Variants in RANBP9 observed in about 807,000 individuals in gnomAD.
RANBP9 encodes ran-binding protein 9.
RANBP9 carries 15 observed loss-of-function variants against 84.3 expected under a neutral mutation model. That is an observed-to-expected ratio of 0.18 (90% confidence interval 0.12 to 0.27). The LOEUF (loss-of-function observed/expected upper bound fraction) is 0.27. RANBP9 is among the 10% of genes least tolerant of loss of function. RANBP9 has a pLI of 1.00. For synonymous variants in RANBP9, 392 were observed against 349.6 expected, an observed-to-expected ratio of 1.12 and a Z score of -1.35; for missense variants, 809 against 912.8, an observed-to-expected ratio of 0.89 and a Z score of 1.46.
intron 2 of RANBP9, among the ~76,000 whole-genome samples, chr6:13,659,705 C>T (rs1025558324): frequency 2.0e-5 from 3 of 152,024 alleles, no homozygotes; most frequent in Non-Finnish European, 2.9e-5. Context: ...TGATAAAATT[C>T]GGCCACCATT....
chr6:13,673,723 T>G (rs1229022926), intron 2 of RANBP9, among the ~76,000 whole-genome samples: 1 of 152,018 alleles, frequency 6.6e-6, no homozygotes, highest in Non-Finnish European at 1.5e-5. Context: ...TACCAAAAAA[T>G]CTTTTTTAAA....
intron 1 of RANBP9, among the ~76,000 whole-genome samples, chr6:13,705,805 G>T (rs996974961): frequency 2.0e-5 from 3 of 149,350 alleles, no homozygotes; most frequent in Non-Finnish European, 4.4e-5. Flanking sequence ...GGAGCTTGCA[G>T]TGAGCGGAGA....
Position 13,641,204 on chromosome 6 carries a change from T to C in RANBP9, c.1329A>G (p.Thr443=). 2.0e-6 allele frequency: 3 copies of C among 1,529,542 alleles called. No homozygotes were observed. Among genetic ancestry groups the C allele is most frequent in the Non-Finnish European group, 2.7e-6 (3 of 1,119,756 alleles). The allele number at this position is 1,529,542 out of a possible 1,614,324, so 94.7% of individuals were successfully genotyped here. The stretch of plus-strand genomic sequence containing the variant: ...ATTTTATTATGCAAACTCACTTTAA[T>C]GTGAAAAGGAGATTAGGATTTCTTT... ...LLERNPNLLF[T]LKVRQFIEMV... is the part of the protein sequence containing the mutation. Residue 443 remains threonine (T), a synonymous_variant, in exon 8 of 14, where the codon ACA becomes ACG. Transcript: ENST00000011619.
chr6:13,652,788 A>G, intron 4 of RANBP9, 107 bp from the exon 5 acceptor site: 5 of 930,688 alleles, frequency 5.4e-6, no homozygotes, highest in South Asian at 1.6e-5. Context: ...AAAGAAAAAA[A>G]CATTAAAGCC....
At chr6:13,636,784 T>C (rs1449528987) in intron 10 of RANBP9, among the ~76,000 whole-genome samples, 1 of 152,222 alleles carries the variant, frequency 6.6e-6, no homozygotes, top group Non-Finnish European at 1.5e-5. Context: ...TCACACACAC[T>C]ATTACTTCAG....
intron 2 of RANBP9, among the ~76,000 whole-genome samples, chr6:13,690,345 T>C (rs1766295416): frequency 6.6e-6 from 1 of 152,240 alleles, no homozygotes; most frequent in Non-Finnish European, 1.5e-5. Context: ...TTGTTTACTC[T>C]TTGTTCACAT....
At chr6:13,684,253 C>A (rs1453828733) in intron 2 of RANBP9, among the ~76,000 whole-genome samples, 1 of 152,178 alleles carries the variant, frequency 6.6e-6, no homozygotes, top group African/African-American at 2.4e-5. Context: ...CTTCTCTTGT[C>A]TTTCATTGTT....
Position 13,711,509 on chromosome 6 carries a change from G to T in RANBP9, c.-4C>A. 2 of 1,248,634 alleles carry T rather than the reference G, an allele frequency of 1.6e-6. No homozygotes were observed. The highest frequency in any genetic ancestry group is 1.0e-6 in the Non-Finnish European group (1 of 994,020). 77.3% of individuals were successfully genotyped at this position (1,248,634 alleles called of 1,614,324 possible). A position where few individuals can be genotyped will look rare whatever the true frequency, so the allele number is the denominator to read the frequency against. ...GCGGCGGCGGCTGCCCGGACATCCCGGCCGCGACTCAGCCTGCGGCCACCT... is the reference window on the plus strand; with the variant it reads ...GCGGCGGCGGCTGCCCGGACATCCCTGCCGCGACTCAGCCTGCGGCCACCT... On this transcript the variant is annotated 5_prime_UTR_variant, in exon 1 of 14. Transcript: ENST00000011619.
At chr6:13,644,457 T>C (rs917876330) in intron 6 of RANBP9, 88 bp downstream of exon 6, 10 of 1,356,040 alleles carry the variant, frequency 7.4e-6, no homozygotes, top group Non-Finnish European at 1.0e-5. Flanking sequence ...AATTAGTGGA[T>C]TAAAAAGCTT....
chr6:13,698,050 A>G (rs1757883629), intron 1 of RANBP9, among the ~76,000 whole-genome samples: 1 of 152,176 alleles, frequency 6.6e-6, no homozygotes, highest in Admixed American at 6.6e-5. Context: ...CCCTTACCAC[A>G]CACTTGACCA....
At chr6:13,623,298 T>C (rs1318990259) in intron 13 of RANBP9, among the ~76,000 whole-genome samples, 1 of 152,200 alleles carries the variant, frequency 6.6e-6, no homozygotes, top group Non-Finnish European at 1.5e-5. Flanking sequence ...ATCAGTTCTT[T>C]ATAGGCACAG....
intron 6 of RANBP9, among the ~76,000 whole-genome samples, chr6:13,643,701 A>T (rs902456579): frequency 1.3e-5 from 2 of 152,166 alleles, no homozygotes; most frequent in African/African-American, 4.8e-5. Flanking sequence ...TCAGAGCATT[A>T]AAACAGTGTG....
At chr6:13,682,654 T>G (rs1442354498) in intron 2 of RANBP9, among the ~76,000 whole-genome samples, 1 of 152,162 alleles carries the variant, frequency 6.6e-6, no homozygotes, top group African/African-American at 2.4e-5. Context: ...TTTCGCCATG[T>G]TGGCCAGGCT....
At chr6:13,658,723 T>C in intron 3 of RANBP9, 57 bp downstream of exon 3, 2 of 1,360,564 alleles carry the variant, frequency 1.5e-6, no homozygotes, top group Non-Finnish European at 1.0e-6. Context: ...ACTTGAAAAA[T>C]TTAACCAGAA....
chr6:13,642,332 TGTCA>T (rs1562301592), intron 7 of RANBP9, 143 bp downstream of exon 7: 3 of 333,090 alleles, frequency 9.0e-6, no homozygotes, highest in African/African-American at 6.4e-5. Flanking sequence ...TCTTCAAAAA[TGTCA>T]GTGAAAATAA....
intron 1 of RANBP9, among the ~76,000 whole-genome samples, chr6:13,705,124 C>G (rs943966375): frequency 1.8e-4 from 28 of 152,090 alleles, no homozygotes; most frequent in African/African-American, 6.3e-4. Context: ...TATCATTAGG[C>G]TGGGTGCAGT....
rs750356294 is a variant in RANBP9, at chr6:13,641,441, T to A, written c.1226-134A>T. The A allele has an allele frequency of 6.7e-6, 4 of 597,534 alleles. No individual in the cohort carries two copies. In the African/African-American group the frequency reaches 7.9e-5, roughly 12 times the overall value. 37.0% of individuals were successfully genotyped at this position (597,534 alleles called of 1,614,324 possible). A position where few individuals can be genotyped will look rare whatever the true frequency, so the allele number is the denominator to read the frequency against. ...TTAATTTCAATTTCTTTCTCTAACA[T>A]CATAGTTTCCATTAGGCAATCCAGG... On this transcript the variant is annotated intron_variant, in intron 7 of 13. Coordinates refer to ENST00000011619, the MANE Select transcript of RANBP9 (RefSeq NM_005493.3).
At chr6:13,703,038 T>C (rs1758014219) in intron 1 of RANBP9, among the ~76,000 whole-genome samples, 1 of 152,188 alleles carries the variant, frequency 6.6e-6, no homozygotes, top group Non-Finnish European at 1.5e-5. Flanking sequence ...TTTGAGACAG[T>C]GTCTCATTCT....
At chr6:13,687,017 CAAG>C (rs1210148517) in intron 2 of RANBP9, among the ~76,000 whole-genome samples, 4 of 152,132 alleles carry the variant, frequency 2.6e-5, no homozygotes, top group African/African-American at 9.7e-5. Context: ...GATTATGTAA[CAAG>C]AAGAAATTGT....
Sources: allele counts gnomAD v4.1 joint callset (sites outside exome capture counted in the v4.1 genomes callset), GRCh38; gene constraint gnomAD v4.1.1; transcripts MANE v1.5; gene names NCBI Gene and HGNC (gene_info 2026-07-23, HGNC 2026-07-21).